Variants in TET1 observed in about 807,000 individuals in gnomAD.
The protein encoded by TET1 is methylcytosine dioxygenase TET1.
A neutral mutation model predicts 148.7 loss-of-function variants in TET1; 13 were observed. The ratio of observed to expected loss-of-function variants is 0.09; its 90% CI spans 0.06 to 0.14. The LOEUF is 0.14. TET1 is among the 10% of genes least tolerant of loss of function. The pLI, the probability that TET1 is intolerant of heterozygous loss-of-function variation, is 1.00. For synonymous variants in TET1, 907 were observed against 937.2 expected, an observed-to-expected ratio of 0.97 and a Z score of 0.59; for missense variants, 2,182 against 2,553.8, an observed-to-expected ratio of 0.85 and a Z score of 3.14.
At chr10:68,564,883 C>A (rs551664821) in intron 1 of TET1, among the ~76,000 whole-genome samples, 1 of 152,182 alleles carries the variant, frequency 6.6e-6, no homozygotes, top group Non-Finnish European at 1.5e-5. Flanking sequence ...CTTAGCCAGG[C>A]ATGGTGGCCT....
chr10:68,682,138 T>A (rs1227683917), intron 9 of TET1, among the ~76,000 whole-genome samples: 2 of 144,586 alleles, frequency 1.4e-5, no homozygotes, highest in Non-Finnish European at 3.0e-5. Context: ...CTTGCTCTTG[T>A]TGCCCAGGCT....
chr10:68,609,264 T>C (rs1202586056), intron 3 of TET1, among the ~76,000 whole-genome samples: 1 of 152,096 alleles, frequency 6.6e-6, no homozygotes, highest in Non-Finnish European at 1.5e-5. Flanking sequence ...CAGGTTCAAG[T>C]GATTCTCCTG....
chr10:68,690,569 C>T (rs900490616), intron 11 of TET1, among the ~76,000 whole-genome samples: 10 of 152,032 alleles, frequency 6.6e-5, no homozygotes, highest in African/African-American at 1.9e-4. Context: ...GGGGACAGAG[C>T]GAGACTCCGT....
intron 3 of TET1, among the ~76,000 whole-genome samples, chr10:68,641,247 G>A (rs990493948): frequency 1.3e-5 from 2 of 151,906 alleles, no homozygotes; most frequent in African/African-American, 4.8e-5. Flanking sequence ...TTGTTGCCCA[G>A]GCTAGAGTGT....
intron 3 of TET1, among the ~76,000 whole-genome samples, chr10:68,606,839 T>C (rs573152627): frequency 6.6e-6 from 1 of 152,210 alleles, no homozygotes; most frequent in Non-Finnish European, 1.5e-5. Context: ...TTTATTGAAC[T>C]CATTTTGTCA....
intron 4 of TET1, among the ~76,000 whole-genome samples, chr10:68,649,592 C>T (rs189164991): frequency 0.014 from 1,857 of 133,634 alleles, 51 homozygotes; most frequent in African/African-American, 0.054. Context: ...GATGACACAG[C>T]GAGACTCTGT....
At chr10:68,683,633 T>C (rs553954684) in intron 10 of TET1, among the ~76,000 whole-genome samples, 9 of 152,294 alleles carry the variant, frequency 5.9e-5, no homozygotes, top group South Asian at 2.1e-4. Flanking sequence ...AGGATGGTCT[T>C]GATCTCATGA....
intron 3 of TET1, among the ~76,000 whole-genome samples, chr10:68,601,954 C>A (rs2054061278): frequency 6.6e-6 from 1 of 152,034 alleles, no homozygotes; most frequent in South Asian, 2.1e-4. Flanking sequence ...CAAAGAGGAA[C>A]AACATGTTGA....
intron 3 of TET1, among the ~76,000 whole-genome samples, chr10:68,640,612 C>T (rs1407479717): frequency 1.7e-5 from 2 of 115,554 alleles, no homozygotes; most frequent in Non-Finnish European, 3.2e-5. Context: ...AGTGCAGTGG[C>T]GCTATCTAGG....
intron 3 of TET1, among the ~76,000 whole-genome samples, chr10:68,630,335 G>A (rs956380586): frequency 2.4e-4 from 37 of 152,310 alleles, no homozygotes; most frequent in Admixed American, 2.2e-3. Context: ...GTTTTGACAC[G>A]GAGTGTCGCT....
At chr10:68,651,496 A>G (rs2054934929) in intron 4 of TET1, among the ~76,000 whole-genome samples, 1 of 152,106 alleles carries the variant, frequency 6.6e-6, no homozygotes, top group Admixed American at 6.6e-5. Flanking sequence ...TCTAAGGGCA[A>G]CCTTTAACAT....
chr10:68,606,556 G>A (rs1253602303), intron 3 of TET1, among the ~76,000 whole-genome samples: 4 of 151,746 alleles, frequency 2.6e-5, no homozygotes, highest in African/African-American at 4.8e-5. Context: ...GCAAATTTAA[G>A]TACTAGATCA....
At chr10:68,658,497 A>G (rs2055058523) in intron 6 of TET1, among the ~76,000 whole-genome samples, 1 of 152,160 alleles carries the variant, frequency 6.6e-6, no homozygotes, top group African/African-American at 2.4e-5. Flanking sequence ...GATCACACAC[A>G]AAAAGTCTAA....
intron 3 of TET1, chr10:68,632,623 A>G (rs2054591206): frequency 6.3e-7 from 1 of 1,583,542 alleles, no homozygotes. Flanking sequence ...TGCAAGGCAA[A>G]GAATCCAGGA....
intron 3 of TET1, among the ~76,000 whole-genome samples, chr10:68,638,938 A>T (rs1366816512): frequency 6.6e-6 from 1 of 152,098 alleles, no homozygotes; most frequent in Non-Finnish European, 1.5e-5. Flanking sequence ...GAGAAAATGG[A>T]GAGGGCGTAG....
rs113089236 is a variant in TET1 at position 68,570,394 on chromosome 10, C to T, written c.-122-1823C>T. 4.3e-3 allele frequency among the ~76,000 whole-genome samples: 654 copies of T among 152,086 alleles called. 8 individuals are homozygous for T. The highest frequency in any genetic ancestry group is 0.014 in the African/African-American group (562 of 41,458). ...TGCTGGGATTACAGGCGTGAGCCAC[C>T]GCGCCCAGCCAGTACCGGATAGTTT... is the stretch of plus-strand genomic sequence containing the variant. On this transcript the variant is annotated intron_variant, in intron 1 of 11. Coordinates refer to ENST00000373644, the MANE Select transcript of TET1 (RefSeq NM_030625.3).
At chr10:68,649,945 G>C (rs1007882349) in intron 4 of TET1, among the ~76,000 whole-genome samples, 1 of 152,038 alleles carries the variant, frequency 6.6e-6, no homozygotes, top group Non-Finnish European at 1.5e-5. Context: ...GGCACTTAAA[G>C]ACAGAGAAAC....
rs1416169699 is a variant in TET1 at position 68,572,821 on chromosome 10, A to G, written c.483A>G (p.Gln161=). The change falls in exon 2 of 12, where the codon CAA becomes CAG. Residue 161 remains glutamine, a synonymous_variant. Transcript: ENST00000373644. ...CAGAAAATGATTCGGTTCCAATGCA[A>G]GACACCCAAGTCCTTCCTGATATAG... is the stretch of plus-strand genomic sequence containing the variant. The part of the protein sequence containing the change: ...KHSENDSVPM[Q]DTQVLPDIET... The G allele has an allele frequency of 1.2e-6, 2 of 1,614,142 alleles. No homozygotes were observed. The highest frequency in any genetic ancestry group is 1.7e-6 in the Non-Finnish European group (2 of 1,180,014).
At chr10:68,688,007 A>G (rs951974660) in intron 11 of TET1, among the ~76,000 whole-genome samples, 4 of 152,120 alleles carry the variant, frequency 2.6e-5, no homozygotes, top group Admixed American at 2.0e-4. Context: ...CAATCATAGC[A>G]CACTGCTGCC....
Sources: allele counts gnomAD v4.1 joint callset (sites outside exome capture counted in the v4.1 genomes callset), GRCh38; gene constraint gnomAD v4.1.1; transcripts MANE v1.5; gene names NCBI Gene and HGNC (gene_info 2026-07-23, HGNC 2026-07-21).